SPATS2L: variants seen among roughly 807,000 people sequenced by gnomAD.
SPATS2L encodes the protein SPATS2-like protein.
In SPATS2L, 30 loss-of-function variants were observed where a neutral mutation model predicts 59.6. That is an observed-to-expected ratio of 0.50 (90% CI 0.38 to 0.68). SPATS2L has a LOEUF of 0.68. SPATS2L is among the 30% of genes least tolerant of loss of function. SPATS2L has a pLI of 0.00. For synonymous variants in SPATS2L, 252 were observed against 263.5 expected (o/e 0.96, Z 0.42); for missense variants, 615 against 700.0 (o/e 0.88, Z 1.37).
chr2:200,450,585 A>G (rs1379832286), intron 8 of SPATS2L, among the ~76,000 whole-genome samples: 1 of 152,114 alleles, frequency 6.6e-6, no homozygotes, highest in Non-Finnish European at 1.5e-5. Flanking sequence ...GTGTCAAGCC[A>G]CTACTTTTCA....
At chr2:200,449,512 A>G in intron 8 of SPATS2L, among the ~76,000 whole-genome samples, 1 of 152,232 alleles carries the variant, frequency 6.6e-6, no homozygotes, top group South Asian at 2.1e-4. Context: ...TGAAATCGGA[A>G]AAGATTTCTG....
intron 2 of SPATS2L, among the ~76,000 whole-genome samples, chr2:200,382,833 A>G (rs1391308198): frequency 6.6e-6 from 1 of 152,216 alleles, no homozygotes; most frequent in Non-Finnish European, 1.5e-5. Context: ...TAAGTTCTCC[A>G]GAAGTGTGCT....
At chr2:200,307,023 A>G (rs1377636166) in intron 1 of SPATS2L, 101 bp downstream of exon 1, 3 of 934,482 alleles carry the variant, frequency 3.2e-6, no homozygotes, top group African/African-American at 1.8e-5. Flanking sequence ...GGCTGGGCCG[A>G]GCATTCCGCA....
chr2:200,337,436 C>A (rs1354945895), intron 2 of SPATS2L, among the ~76,000 whole-genome samples: 2 of 152,156 alleles, frequency 1.3e-5, no homozygotes, highest in Admixed American at 6.5e-5. Context: ...GTTCTCCTAA[C>A]CCCGAGATTT....
chr2:200,478,626 A>C lies in SPATS2L; in HGVS notation c.*595A>C, dbSNP rs1469066758. 1 of 152,676 alleles carries C rather than the reference A, an allele frequency of 6.5e-6. No individual in the cohort carries two copies. The highest frequency in any genetic ancestry group is 1.5e-5 in the Non-Finnish European group (1 of 68,046). 9.5% of individuals were successfully genotyped at this position (152,676 alleles called of 1,614,324 possible). ...CTTTAGAGACTAGAGGTTGTGGTGCAAAGCTGTGTACAATAAATACTGTTT... is the reference window on the plus strand; with the variant it reads ...CTTTAGAGACTAGAGGTTGTGGTGCCAAGCTGTGTACAATAAATACTGTTT... On this transcript the variant is annotated 3_prime_UTR_variant, in exon 13 of 13. Coordinates refer to ENST00000409140, the MANE Select transcript of SPATS2L (RefSeq NM_001100423.2).
Position 200,478,197 on chromosome 2 carries a change from T to G in SPATS2L, c.*166T>G. 1.6e-6 allele frequency: 1 copy of G among 607,824 alleles called. No individual in the cohort carries two copies. Among genetic ancestry groups the G allele is most frequent in the Non-Finnish European group, 2.5e-6 (1 of 396,946 alleles). The allele number at this position is 607,824 out of a possible 1,614,324, so 37.7% of individuals were successfully genotyped here. ...TTCTAATAATCAGCTCTAGCTTGCTTCATAATTTTCATGGCTTTGCTTGAT... is the reference window on the plus strand; with the variant it reads ...TTCTAATAATCAGCTCTAGCTTGCTGCATAATTTTCATGGCTTTGCTTGAT... On this transcript the variant is annotated 3_prime_UTR_variant, in exon 13 of 13. Transcript: ENST00000409140.
intron 8 of SPATS2L, among the ~76,000 whole-genome samples, chr2:200,450,859 C>T (rs140237074): frequency 6.6e-6 from 1 of 152,264 alleles, no homozygotes; most frequent in East Asian, 1.9e-4. Context: ...CTCTACCTGG[C>T]TCATTAGGAA....
intron 1 of SPATS2L, among the ~76,000 whole-genome samples, chr2:200,327,097 C>T (rs565353735): frequency 5.9e-5 from 9 of 151,632 alleles, no homozygotes; most frequent in African/African-American, 2.2e-4. Flanking sequence ...AATATTTAAC[C>T]ATCCTATTAA....
At position 200,478,458 on chromosome 2, in the gene SPATS2L, C is replaced by A. The variant is rs2087694499; in HGVS notation, c.*427C>A. The A allele has an allele frequency of 1.9e-5, 3 of 154,430 alleles. No homozygotes were observed. In the Admixed American group the frequency reaches 2.0e-4, roughly 10 times the overall value. The allele number at this position is 154,430 out of a possible 1,614,324, so 9.6% of individuals were successfully genotyped here. On this transcript the variant is annotated 3_prime_UTR_variant, in exon 13 of 13. Coordinates refer to ENST00000409140, the MANE Select transcript of SPATS2L (RefSeq NM_001100423.2). ...CATGCGCTTTTGTAGAATTTAACATCTGGTGTTTTTCTGAAAAAATATATA... is the reference window on the plus strand; with the variant it reads ...CATGCGCTTTTGTAGAATTTAACATATGGTGTTTTTCTGAAAAAATATATA...
At chr2:200,432,383 A>T (rs1001612236) in intron 6 of SPATS2L, among the ~76,000 whole-genome samples, 1 of 152,236 alleles carries the variant, frequency 6.6e-6, no homozygotes, top group African/African-American at 2.4e-5. Flanking sequence ...AGGTATTTTA[A>T]GGAACAGTGC....
At chr2:200,369,756 G>A (rs1297559753) in intron 2 of SPATS2L, among the ~76,000 whole-genome samples, 1 of 152,148 alleles carries the variant, frequency 6.6e-6, no homozygotes, top group Non-Finnish European at 1.5e-5. Flanking sequence ...GAATCCTAGT[G>A]ATGTCGAGTT....
intron 8 of SPATS2L, among the ~76,000 whole-genome samples, chr2:200,457,794 G>T (rs2085953649): frequency 6.6e-6 from 1 of 152,230 alleles, no homozygotes; most frequent in Non-Finnish European, 1.5e-5. Context: ...AGGTTGCACA[G>T]TCTACTTGAG....
chr2:200,416,647 G>T (rs1460147151), intron 5 of SPATS2L, among the ~76,000 whole-genome samples: 2 of 152,132 alleles, frequency 1.3e-5, no homozygotes, highest in Non-Finnish European at 1.5e-5. Flanking sequence ...TAACAACCAG[G>T]TGTGCTTAAG....
At chr2:200,455,993 G>T (rs1354710653) in intron 8 of SPATS2L, among the ~76,000 whole-genome samples, 3 of 152,118 alleles carry the variant, frequency 2.0e-5, no homozygotes, top group Non-Finnish European at 4.4e-5. Context: ...TTGATGTAAG[G>T]CTGGCTCCTC....
At chr2:200,419,560 A>C in intron 6 of SPATS2L, 64 bp downstream of exon 6, 2 of 1,563,198 alleles carry the variant, frequency 1.3e-6, no homozygotes, top group Non-Finnish European at 1.7e-6. Flanking sequence ...AAGGGAGCTC[A>C]TTGGGGCTGC....
chr2:200,336,631 G>C (rs1457398470), intron 2 of SPATS2L, among the ~76,000 whole-genome samples: 1 of 152,080 alleles, frequency 6.6e-6, no homozygotes, highest in Non-Finnish European at 1.5e-5. Flanking sequence ...GTGTACTGCT[G>C]TTCCTCACAC....
rs2084522334 is a variant in SPATS2L, at chr2:200,439,259, TCTC to T, written c.586_588del (p.Pro196del). 6.2e-7 allele frequency: 1 copy of T among 1,613,630 alleles called. No individual in the cohort carries two copies. The highest frequency in any genetic ancestry group is 8.5e-7 in the Non-Finnish European group (1 of 1,179,708). ...CCCAAGCAAGCCTAAGGCAAAAACATCTCCTGTTAAGTCCAATACCCCTGCAGC... is the reference window on the plus strand; with the variant it reads ...CCCAAGCAAGCCTAAGGCAAAAACATCTGTTAAGTCCAATACCCCTGCAGC... On this transcript the variant is annotated inframe_deletion, in exon 7 of 13. Transcript: ENST00000409140.
At chr2:200,474,659 G>A (rs1198445504) in intron 12 of SPATS2L, among the ~76,000 whole-genome samples, 1 of 152,122 alleles carries the variant, frequency 6.6e-6, no homozygotes, top group Non-Finnish European at 1.5e-5. Flanking sequence ...TAGTCTAAGA[G>A]TTTCCCTTTT....
intron 6 of SPATS2L, among the ~76,000 whole-genome samples, chr2:200,419,815 G>C (rs75444988): frequency 0.031 from 4,604 of 150,304 alleles, 224 homozygotes; most frequent in African/African-American, 0.1. Context: ...CTGGACTCAA[G>C]CAATCCTGCC....
Sources: gnomAD v4.1 joint callset for allele counts (sites outside exome capture counted in the v4.1 genomes callset) on GRCh38, gnomAD v4.1.1 for gene constraint, MANE v1.5 for transcripts, NCBI Gene and HGNC (gene_info 2026-07-23, HGNC 2026-07-21) for gene names.